Variants in CSMD1 observed in about 807,000 individuals in gnomAD.
CSMD1 encodes the protein CUB and Sushi multiple domains 1, also known as CUB and sushi domain-containing protein 1.
A neutral mutation model predicts 417.5 loss-of-function variants in CSMD1; 213 were observed. The ratio of observed to expected loss-of-function variants is 0.51; its 90% confidence interval spans 0.46 to 0.57. CSMD1 has a LOEUF of 0.57. CSMD1 is among the 20% of genes least tolerant of loss of function. The pLI, the probability that CSMD1 is intolerant of heterozygous loss-of-function variation, is 0.00. For synonymous variants in CSMD1, 2,862 were observed against 1,736.8 expected (o/e 1.65, Z -16.11); for missense variants, 6,923 against 4,529.7 (o/e 1.53, Z -15.17).
chr8:4,733,383 C>G (rs1482875761), intron 1 of CSMD1, among the ~76,000 whole-genome samples: 1 of 152,156 alleles, frequency 6.6e-6, no homozygotes, highest in African/African-American at 2.4e-5. Context: ...GTTATAGTGA[C>G]TCATGCCCAG....
intron 25 of CSMD1, among the ~76,000 whole-genome samples, chr8:3,295,742 G>C (rs144319785): frequency 3.3e-5 from 5 of 152,294 alleles, no homozygotes; most frequent in African/African-American, 1.2e-4. Context: ...ATTACCGTCA[G>C]ACTAAGAGTT....
intron 12 of CSMD1, among the ~76,000 whole-genome samples, chr8:3,433,306 T>A (rs2117028952): frequency 6.6e-6 from 1 of 152,350 alleles, no homozygotes; most frequent in African/African-American, 2.4e-5. Context: ...TTTATTTTGA[T>A]TTCCTTGACA....
intron 1 of CSMD1, among the ~76,000 whole-genome samples, chr8:4,827,143 C>T (rs2117417792): frequency 6.6e-6 from 1 of 152,224 alleles, no homozygotes; most frequent in Admixed American, 6.5e-5. Context: ...ATAATTAAAA[C>T]AAAGAAAACA....
intron 3 of CSMD1, among the ~76,000 whole-genome samples, chr8:4,176,934 T>C (rs1444706061): frequency 6.7e-6 from 1 of 149,332 alleles, no homozygotes; most frequent in African/African-American, 2.5e-5. Context: ...ATAAAGCAAG[T>C]CCTCAGTGAC....
At chr8:3,841,240 G>T (rs1291308922) in intron 5 of CSMD1, among the ~76,000 whole-genome samples, 1 of 152,102 alleles carries the variant, frequency 6.6e-6, no homozygotes, top group African/African-American at 2.4e-5. Flanking sequence ...GGTTTATATT[G>T]AAAAGTTTTA....
intron 3 of CSMD1, among the ~76,000 whole-genome samples, chr8:4,397,520 A>ACTCTGGC (rs1263346534): frequency 9.1e-6 from 1 of 110,442 alleles, no homozygotes; most frequent in Non-Finnish European, 1.8e-5. Flanking sequence ...CAAGCCTGAG[A>ACTCTGGC]CTCTTTTTTT....
chr8:4,448,118 T>G (rs1798924934), intron 2 of CSMD1, among the ~76,000 whole-genome samples: 1 of 152,230 alleles, frequency 6.6e-6, no homozygotes, highest in African/African-American at 2.4e-5. Context: ...GATCTCTTCC[T>G]AGTTCTCACT....
chr8:3,838,968 T>TAC (rs1491374014), intron 5 of CSMD1, among the ~76,000 whole-genome samples: 5 of 98,666 alleles, frequency 5.1e-5, no homozygotes, highest in African/African-American at 2.3e-4. Context: ...AAATTAATAT[T>TAC]ATATATAATA....
chr8:3,561,118 G>A (rs546164163), intron 10 of CSMD1, among the ~76,000 whole-genome samples: 11 of 152,296 alleles, frequency 7.2e-5, no homozygotes, highest in Middle Eastern at 3.4e-3. Flanking sequence ...AGTCAGCATG[G>A]CTATTATTAA....
intron 10 of CSMD1, among the ~76,000 whole-genome samples, chr8:3,497,474 T>A (rs10481368): frequency 0.096 from 14,576 of 152,216 alleles, 723 homozygotes; most frequent in East Asian, 0.14. Flanking sequence ...TGGTGCAATC[T>A]CAGCTCACTG....
At chr8:4,237,674 C>T (rs1300965109) in intron 3 of CSMD1, among the ~76,000 whole-genome samples, 1 of 152,062 alleles carries the variant, frequency 6.6e-6, no homozygotes, top group African/African-American at 2.4e-5. Context: ...CACCACCATG[C>T]CCAGCTAATT....
intron 5 of CSMD1, among the ~76,000 whole-genome samples, chr8:3,885,386 T>C (rs1585139497): frequency 6.6e-6 from 1 of 152,134 alleles, no homozygotes; most frequent in Non-Finnish European, 1.5e-5. Context: ...AGCTTGAAGC[T>C]GCCAATGGAG....
At chr8:3,303,937 G>C (rs1417266782) in intron 25 of CSMD1, among the ~76,000 whole-genome samples, 1 of 74,390 alleles carries the variant, frequency 1.3e-5, no homozygotes, top group African/African-American at 4.1e-5. Flanking sequence ...CTATTTTGGG[G>C]TATTGCGCCC....
intron 50 of CSMD1, among the ~76,000 whole-genome samples, chr8:3,036,254 A>G (rs1368013827): frequency 6.6e-6 from 1 of 152,216 alleles, no homozygotes; most frequent in African/African-American, 2.4e-5. Context: ...AGATATTTAG[A>G]CAAGGGAAGT....
chr8:3,793,989 T>C (rs966156631), intron 5 of CSMD1, among the ~76,000 whole-genome samples: 4 of 152,306 alleles, frequency 2.6e-5, no homozygotes, highest in East Asian at 1.9e-4. Flanking sequence ...TGCTTTCCTC[T>C]TCCTGAACCC....
chr8:3,028,227 G>C (rs919549171), intron 51 of CSMD1, among the ~76,000 whole-genome samples: 1 of 152,174 alleles, frequency 6.6e-6, no homozygotes, highest in South Asian at 2.1e-4. Flanking sequence ...TAGGCAAAAG[G>C]TTAGAGTTCC....
At chr8:4,822,286 G>A (rs1054203847) in intron 1 of CSMD1, among the ~76,000 whole-genome samples, 10 of 152,110 alleles carry the variant, frequency 6.6e-5, no homozygotes, top group Non-Finnish European at 1.3e-4. Flanking sequence ...GCTGTCTTAG[G>A]ACACCAGATA....
chr8:2,954,228 A>T lies in CSMD1; in HGVS notation c.10035T>A (p.Thr3345=). The change falls in exon 65 of 70, where the codon ACT becomes ACA. Residue 3345 remains threonine (T), a synonymous_variant. Transcript: ENST00000635120. The part of the protein sequence containing the change: ...VREVNETVTK[T]PVPSDVFFVN... The stretch of plus-strand genomic sequence containing the variant: ...GAACTGTTCTGGTATACAAACCTGG[A>T]GTTTTAGTAACTGTTTCATTAACTT... 6.7e-7 allele frequency: 1 copy of T among 1,498,458 alleles called. No individual in the cohort carries two copies. Among genetic ancestry groups the T allele is most frequent in the Non-Finnish European group, 9.1e-7 (1 of 1,104,840 alleles). 92.8% of individuals were successfully genotyped at this position (1,498,458 alleles called of 1,614,324 possible).
Position 2,998,107 on chromosome 8 carries a change from T to C in CSMD1, c.8281A>G (p.Asn2761Asp). 6.2e-7 allele frequency: 1 copy of C among 1,614,018 alleles called. No individual in the cohort carries two copies. The highest frequency in any genetic ancestry group is 8.5e-7 in the Non-Finnish European group (1 of 1,179,884). ...GSEFNLNDVV[N>D]FTCNTGYLLQ... Reference sequence around the variant, plus strand: ...AAATAGCCCGTGTTGCAGGTGAAATTCACGACATCATTCAGGTTGAACTCA... The same window carrying C: ...AAATAGCCCGTGTTGCAGGTGAAATCCACGACATCATTCAGGTTGAACTCA... The change falls in exon 54 of 70, where the codon AAT (asparagine) becomes GAT (aspartate). Residue 2761 changes from asparagine to aspartate, a missense_variant. Coordinates refer to ENST00000635120, the MANE Select transcript of CSMD1 (RefSeq NM_033225.6).
Sources: gnomAD v4.1 joint callset for allele counts (sites outside exome capture counted in the v4.1 genomes callset) on GRCh38, gnomAD v4.1.1 for gene constraint, MANE v1.5 for transcripts, NCBI Gene and HGNC (gene_info 2026-07-23, HGNC 2026-07-21) for gene names.